CSMD1: variants seen among roughly 807,000 people sequenced by gnomAD.
CSMD1 encodes CUB and Sushi multiple domains 1, also known as CUB and sushi domain-containing protein 1.
A neutral mutation model predicts 417.5 loss-of-function variants in CSMD1; 213 were observed. The observed-to-expected ratio is 0.51, with a 90% CI of 0.46 to 0.57. The LOEUF (loss-of-function observed/expected upper bound fraction) is 0.57. CSMD1 is among the 20% of genes least tolerant of loss of function. CSMD1 has a pLI of 0.00. For synonymous variants in CSMD1, 2,862 were observed against 1,736.8 expected, an observed-to-expected ratio of 1.65 and a Z score of -16.11; for missense variants, 6,923 against 4,529.7, an observed-to-expected ratio of 1.53 and a Z score of -15.17.
chr8:4,623,719 A>T (rs965406707), intron 2 of CSMD1, among the ~76,000 whole-genome samples: 8 of 152,060 alleles, frequency 5.3e-5, no homozygotes, highest in African/African-American at 1.7e-4. Flanking sequence ...GAAAGAAGTT[A>T]GGCATATACA....
At chr8:3,635,784 C>T (rs141144889) in intron 7 of CSMD1, among the ~76,000 whole-genome samples, 1,721 of 124,130 alleles carry the variant, frequency 0.014, 43 homozygotes, top group African/African-American at 0.052. Context: ...CGCCCAGCTG[C>T]TTCCATCTCA....
chr8:3,416,744 A>G (rs557130360), intron 12 of CSMD1, among the ~76,000 whole-genome samples: 144 of 152,048 alleles, frequency 9.5e-4, no homozygotes, highest in African/African-American at 3.2e-3. Context: ...TGGACACAAG[A>G]CAGCTAGTAC....
chr8:4,440,429 C>T (rs1384565153), intron 2 of CSMD1, among the ~76,000 whole-genome samples: 1 of 152,128 alleles, frequency 6.6e-6, no homozygotes, highest in Admixed American at 6.6e-5. Context: ...TATCCCTTTT[C>T]CCCCAGCACA....
At chr8:4,538,506 G>C (rs981798399) in intron 2 of CSMD1, among the ~76,000 whole-genome samples, 1 of 152,020 alleles carries the variant, frequency 6.6e-6, no homozygotes, top group Admixed American at 6.6e-5. Flanking sequence ...AGCTGTGTGT[G>C]GTGGCAGGTG....
intron 5 of CSMD1, among the ~76,000 whole-genome samples, chr8:3,767,452 C>T (rs943023329): frequency 2.0e-5 from 3 of 152,238 alleles, no homozygotes; most frequent in Non-Finnish European, 4.4e-5. Flanking sequence ...CTACTGCAGA[C>T]TGCAAGCTGC....
intron 1 of CSMD1, among the ~76,000 whole-genome samples, chr8:4,796,548 T>G (rs1455027116): frequency 1.3e-5 from 2 of 151,298 alleles, no homozygotes; most frequent in South Asian, 2.1e-4. Flanking sequence ...GCTCTCAGAC[T>G]AGAGAGCACC....
At chr8:3,869,425 A>T (rs908222190) in intron 5 of CSMD1, among the ~76,000 whole-genome samples, 1 of 152,038 alleles carries the variant, frequency 6.6e-6, no homozygotes, top group Non-Finnish European at 1.5e-5. Context: ...CTTTTCTCCA[A>T]TCCTGTCCTG....
intron 37 of CSMD1, among the ~76,000 whole-genome samples, chr8:3,174,966 T>C (rs1442540916): frequency 6.6e-6 from 1 of 152,184 alleles, no homozygotes; most frequent in Non-Finnish European, 1.5e-5. Flanking sequence ...TTTCACTATA[T>C]AGCTAACTAC....
intron 49 of CSMD1, among the ~76,000 whole-genome samples, chr8:3,081,949 G>A (rs990156277): frequency 6.6e-6 from 1 of 152,118 alleles, no homozygotes; most frequent in Non-Finnish European, 1.5e-5. Flanking sequence ...TCAATTTCAT[G>A]AAGCTTCCTT....
intron 1 of CSMD1, among the ~76,000 whole-genome samples, chr8:4,724,790 G>C (rs967697602): frequency 2.0e-5 from 3 of 151,978 alleles, no homozygotes; most frequent in Non-Finnish European, 4.4e-5. Flanking sequence ...GCATAGCCTT[G>C]TAGTATGAAT....
intron 18 of CSMD1, among the ~76,000 whole-genome samples, chr8:3,386,138 T>C (rs568764113): frequency 5.9e-5 from 9 of 152,164 alleles, no homozygotes; most frequent in African/African-American, 1.9e-4. Flanking sequence ...GTTGATGTAT[T>C]AGAATTATAA....
At chr8:3,296,510 G>C (rs1803978331) in intron 25 of CSMD1, among the ~76,000 whole-genome samples, 1 of 152,126 alleles carries the variant, frequency 6.6e-6, no homozygotes, top group Admixed American at 6.6e-5. Flanking sequence ...ACCAAGGCAG[G>C]AGTCCTCACC....
chr8:4,057,114 G>A (rs1484915842), intron 3 of CSMD1, among the ~76,000 whole-genome samples: 2 of 152,186 alleles, frequency 1.3e-5, no homozygotes, highest in Admixed American at 6.5e-5. Flanking sequence ...TCGCCACACT[G>A]ACTTCCACAA....
intron 5 of CSMD1, among the ~76,000 whole-genome samples, chr8:3,982,744 G>A (rs112646805): frequency 0.012 from 1,797 of 152,238 alleles, 11 homozygotes; most frequent in Admixed American, 0.015. Flanking sequence ...GAGGCTTAAC[G>A]TGGAAGGAGC....
intron 10 of CSMD1, among the ~76,000 whole-genome samples, chr8:3,571,196 A>G (rs1799928381): frequency 1.3e-5 from 2 of 152,132 alleles, no homozygotes; most frequent in South Asian, 4.1e-4. Context: ...GCTTTCTTGG[A>G]CTATATTCTG....
chr8:4,234,783 C>A (rs1222519070), intron 3 of CSMD1, among the ~76,000 whole-genome samples: 1 of 152,040 alleles, frequency 6.6e-6, no homozygotes, highest in Non-Finnish European at 1.5e-5. Context: ...GGCTAACTTG[C>A]CCCCAGATAA....
chr8:3,443,158 G>A (rs981097960), intron 12 of CSMD1, among the ~76,000 whole-genome samples: 2 of 152,174 alleles, frequency 1.3e-5, no homozygotes, highest in Non-Finnish European at 2.9e-5. Flanking sequence ...CACACCACGT[G>A]TCACCTTCTG....
Position 4,252,415 on chromosome 8 carries a change from G to C in CSMD1, c.415+167538C>G, listed in dbSNP as rs546644048. ...TTCCAGTGATCAAAACAAAAACTGAGACTTGGGAAGAAATAAACTCGAGGG... is the reference window on the plus strand; with the variant it reads ...TTCCAGTGATCAAAACAAAAACTGACACTTGGGAAGAAATAAACTCGAGGG... On this transcript the variant is annotated intron_variant, in intron 3 of 69. Coordinates refer to ENST00000635120, the MANE Select transcript of CSMD1 (RefSeq NM_033225.6). Among the ~76,000 whole-genome samples, 6 of 152,332 alleles carry C rather than the reference G, an allele frequency of 3.9e-5. No individual in the cohort carries two copies. In the East Asian group the frequency reaches 5.8e-4, roughly 15 times the overall value.
At chr8:4,306,845 C>G (rs1361362888) in intron 3 of CSMD1, among the ~76,000 whole-genome samples, 2 of 127,774 alleles carry the variant, frequency 1.6e-5, no homozygotes, top group Non-Finnish European at 3.3e-5. Flanking sequence ...TAAAAAAAAT[C>G]TAATAATTTT....
Sources: allele counts gnomAD v4.1 joint callset (sites outside exome capture counted in the v4.1 genomes callset), GRCh38; gene constraint gnomAD v4.1.1; transcripts MANE v1.5; gene names NCBI Gene and HGNC (gene_info 2026-07-23, HGNC 2026-07-21).